TNFAIP8: variants seen among roughly 807,000 people sequenced by gnomAD.
TNFAIP8 encodes the protein TNF alpha induced protein 8.
Under a neutral mutation model 13.3 loss-of-function variants are expected in TNFAIP8, and 7 were observed. That is an observed-to-expected ratio of 0.52 (90% CI 0.30 to 0.99). The LOEUF is 0.99. TNFAIP8 is among the 50% of genes least tolerant of loss of function. The probability of loss-of-function intolerance (pLI) is 0.07; values close to 1 mark genes in which losing one functional copy is unlikely to be tolerated. For missense variants in TNFAIP8, 258 were observed against 236.9 expected (o/e 1.09, Z -0.58); for synonymous variants, 94 against 87.6 (o/e 1.07, Z -0.41).
At chr5:119,366,869 T>C (rs1751876078) in intron 1 of TNFAIP8, among the ~76,000 whole-genome samples, 1 of 152,174 alleles carries the variant, frequency 6.6e-6, no homozygotes, top group South Asian at 2.1e-4. Flanking sequence ...GGTGATTACT[T>C]GACATTCCTG....
rs539997672 is a variant in TNFAIP8, at chr5:119,335,567, C to T, written c.2-57249C>T. Among the ~76,000 whole-genome samples the T allele has an allele frequency of 6.6e-5, 10 of 152,126 alleles. No individual in the cohort carries two copies. The South Asian group carries it at 1.9e-3, about 28-fold the overall frequency. ...CCCAATGGCAGAGAGAGCCCTCTGA[C>T]CATAAGCACCACACCCCACAGACCC... is the stretch of plus-strand genomic sequence containing the variant. On this transcript the variant is annotated intron_variant, in intron 1 of 1. Transcript: ENST00000274456.
At chr5:119,329,848 G>A (rs1750321829) in intron 1 of TNFAIP8, among the ~76,000 whole-genome samples, 1 of 151,664 alleles carries the variant, frequency 6.6e-6, no homozygotes, top group Admixed American at 6.6e-5. Flanking sequence ...AAGGTTTGGG[G>A]AAATCCTGTG....
chr5:119,392,737 C>T, intron 1 of TNFAIP8, 79 bp from the exon 2 acceptor site: 1 of 1,424,198 alleles, frequency 7.0e-7, no homozygotes, highest in East Asian at 2.5e-5. Context: ...AAAGTGCTCC[C>T]AAATACCTGT....
At chr5:119,298,790 G>C (rs984772973) in intron 1 of TNFAIP8, among the ~76,000 whole-genome samples, 5 of 152,150 alleles carry the variant, frequency 3.3e-5, no homozygotes, top group African/African-American at 1.2e-4. Flanking sequence ...ATATTTCTTA[G>C]AGGCTTTGTT....
At chr5:119,296,676 G>T (rs1438914847) in intron 1 of TNFAIP8, among the ~76,000 whole-genome samples, 2 of 152,076 alleles carry the variant, frequency 1.3e-5, no homozygotes, top group African/African-American at 2.4e-5. Context: ...TTTTTCTATT[G>T]ATTGGAATAG....
intron 1 of TNFAIP8, among the ~76,000 whole-genome samples, chr5:119,345,474 T>C (rs1750867087): frequency 6.6e-6 from 1 of 152,212 alleles, no homozygotes; most frequent in Non-Finnish European, 1.5e-5. Context: ...TACAGAAGGA[T>C]GTATAAACAA....
intron 1 of TNFAIP8, among the ~76,000 whole-genome samples, chr5:119,305,424 A>T (rs974817795): frequency 6.6e-6 from 1 of 152,192 alleles, no homozygotes; most frequent in African/African-American, 2.4e-5. Flanking sequence ...GGTCATATCA[A>T]TTCTAATTTT....
At position 119,305,791 on chromosome 5, in the gene TNFAIP8, A is replaced by C. The variant is rs553981631; in HGVS notation, c.1+36884A>C. ...AATGTTTATGGAAATTACTTTGCTG[A>C]GGTATGGGTAGGCCAGAGGAACCTG... On this transcript the variant is annotated intron_variant, in intron 1 of 1. Transcript: ENST00000274456. 6.6e-5 allele frequency among the ~76,000 whole-genome samples: 10 copies of C among 152,308 alleles called. No individual in the cohort carries two copies. In the South Asian group the frequency reaches 2.1e-3, roughly 32 times the overall value.
intron 1 of TNFAIP8, among the ~76,000 whole-genome samples, chr5:119,301,812 GAT>G (rs1407280618): frequency 6.6e-6 from 1 of 152,254 alleles, no homozygotes; most frequent in Non-Finnish European, 1.5e-5. Flanking sequence ...TATTTCTTAG[GAT>G]AAAATATATT....
chr5:119,386,248 A>G (rs1005313445), intron 1 of TNFAIP8, among the ~76,000 whole-genome samples: 16 of 152,218 alleles, frequency 1.1e-4, no homozygotes, highest in African/African-American at 3.1e-4. Context: ...TGAAGATTTT[A>G]CTTAACTCAT....
intron 1 of TNFAIP8, among the ~76,000 whole-genome samples, chr5:119,388,716 G>A (rs1752775155): frequency 6.6e-6 from 1 of 151,854 alleles, no homozygotes; most frequent in Admixed American, 6.6e-5. Flanking sequence ...ATAGCTCACT[G>A]CAGCTCTGTA....
chr5:119,340,787 ACTGG>A (rs1459839778), intron 1 of TNFAIP8, among the ~76,000 whole-genome samples: 4 of 152,204 alleles, frequency 2.6e-5, no homozygotes, highest in Non-Finnish European at 5.9e-5. Context: ...AAGTGGCTGG[ACTGG>A]CTGAGTGGCG....
At chr5:119,276,978 A>G (rs990184796) in intron 1 of TNFAIP8, among the ~76,000 whole-genome samples, 1 of 152,250 alleles carries the variant, frequency 6.6e-6, no homozygotes, top group African/African-American at 2.4e-5. Flanking sequence ...ATATGTACCT[A>G]TGATAAAATT....
intron 1 of TNFAIP8, among the ~76,000 whole-genome samples, chr5:119,281,306 A>ACACTCT: frequency 3.3e-4 from 38 of 114,134 alleles, no homozygotes; most frequent in Admixed American, 2.0e-3. Context: ...ACACACACAC[A>ACACTCT]CTCTCTCTCT....
At chr5:119,301,327 G>T (rs1474670004) in intron 1 of TNFAIP8, among the ~76,000 whole-genome samples, 1 of 152,028 alleles carries the variant, frequency 6.6e-6, no homozygotes, top group Non-Finnish European at 1.5e-5. Context: ...CCCTCTGTCA[G>T]TTGGCTTGTT....
chr5:119,333,576 A>G, intron 1 of TNFAIP8: 2 of 1,535,594 alleles, frequency 1.3e-6, no homozygotes, highest in Admixed American at 2.0e-5. Context: ...TGACTCTACC[A>G]AGATACTGTG....
At chr5:119,321,900 C>A (rs1004916333) in intron 1 of TNFAIP8, among the ~76,000 whole-genome samples, 2 of 152,208 alleles carry the variant, frequency 1.3e-5, no homozygotes, top group African/African-American at 4.8e-5. Context: ...CATGTGGCCT[C>A]TGCCCAATTC....
chr5:119,281,919 T>C (rs912241626), intron 1 of TNFAIP8, among the ~76,000 whole-genome samples: 3 of 152,252 alleles, frequency 2.0e-5, no homozygotes, highest in Admixed American at 6.5e-5. Context: ...TTGTCTGATA[T>C]AAAATCCTTG....
At chr5:119,283,919 T>A (rs1252245667) in intron 1 of TNFAIP8, among the ~76,000 whole-genome samples, 3 of 152,134 alleles carry the variant, frequency 2.0e-5, no homozygotes, top group Non-Finnish European at 4.4e-5. Flanking sequence ...TCAGCAGAAG[T>A]CATACTGAAG....
Sources: allele counts gnomAD v4.1 joint callset (sites outside exome capture counted in the v4.1 genomes callset), GRCh38; gene constraint gnomAD v4.1.1; transcripts MANE v1.5; gene names NCBI Gene and HGNC (gene_info 2026-07-23, HGNC 2026-07-21).